VPS35L: variants seen among roughly 807,000 people sequenced by gnomAD.
VPS35L encodes VPS35 endosomal protein sorting factor like.
In VPS35L, 83 loss-of-function variants were observed where a neutral mutation model predicts 133.0. That is an observed-to-expected ratio of 0.62 (90% CI 0.52 to 0.75). The LOEUF is 0.75. Among genes scored for constraint, VPS35L ranks in the 30% least tolerant of loss-of-function variants. The pLI, the probability that VPS35L is intolerant of heterozygous loss-of-function variation, is 0.00. For missense variants in VPS35L, 1,083 were observed against 1,206.8 expected (o/e 0.90, Z 1.52); for synonymous variants, 423 against 449.9 (o/e 0.94, Z 0.76).
chr16:19,601,207 G>C (rs1049010033), intron 8 of VPS35L, among the ~76,000 whole-genome samples: 1 of 152,186 alleles, frequency 6.6e-6, no homozygotes, highest in East Asian at 1.9e-4. Context: ...AGGATTACAG[G>C]TGTGAGCCAC....
Position 19,627,807 on chromosome 16 carries a change from T to G in VPS35L, c.1383+2T>G. ...TGTGATGAATCTGGTTTCCCCAAGG[T>G]AGGCTCTTGACTTCATGCTCAGTAG... On this transcript the variant is annotated splice_donor_variant, in intron 16 of 30. Coordinates refer to ENST00000417362, the MANE Select transcript of VPS35L (RefSeq NM_020314.7). LOFTEE classifies it high-confidence loss of function. 1 of 1,595,944 alleles carries G rather than the reference T, an allele frequency of 6.3e-7. No homozygotes were observed. Among genetic ancestry groups the G allele is most frequent in the Non-Finnish European group, 8.6e-7 (1 of 1,163,474 alleles).
chr16:19,602,915 T>TC (rs1360680370), intron 9 of VPS35L, among the ~76,000 whole-genome samples: 2 of 151,912 alleles, frequency 1.3e-5, no homozygotes, highest in African/African-American at 4.8e-5. Context: ...TTTTTTTTTT[T>TC]TCTATTTAAT....
chr16:19,677,047 A>G (rs1399490522), intron 27 of VPS35L, among the ~76,000 whole-genome samples: 3 of 151,254 alleles, frequency 2.0e-5, no homozygotes, highest in Non-Finnish European at 2.9e-5. Context: ...CCTCATCTCA[A>G]AAGAAAAAGT....
intron 10 of VPS35L, 103 bp from the exon 11 acceptor site, chr16:19,608,871 A>T (rs965553134): frequency 2.1e-6 from 2 of 959,180 alleles, no homozygotes; most frequent in African/African-American, 1.6e-5. Context: ...TGTGGTCCCC[A>T]TCTCCTAAGA....
At chr16:19,601,528 A>T in intron 8 of VPS35L, 136 bp from the exon 9 acceptor site, 1 of 770,938 alleles carries the variant, frequency 1.3e-6, no homozygotes, top group Non-Finnish European at 2.0e-6. Flanking sequence ...AATCTGTCCC[A>T]CCAGGTGGCA....
chr16:19,568,050 C>A (rs1046347242), intron 2 of VPS35L, among the ~76,000 whole-genome samples: 1 of 151,994 alleles, frequency 6.6e-6, no homozygotes, highest in Non-Finnish European at 1.5e-5. Context: ...CTCCCTCCCT[C>A]ATGTTCAATA....
chr16:19,695,250 T>C lies in VPS35L; in HGVS notation c.2646+3779T>C, dbSNP rs1296737858. Among the ~76,000 whole-genome samples the C allele has an allele frequency of 2.0e-5, 3 of 152,306 alleles. No homozygotes were observed. In the East Asian group the frequency reaches 5.8e-4, roughly 29 times the overall value. ...ATTACGTGTCTTCATACCGAGGCAA[T>C]AGGCTGGGTTTAATCAGAGGTGGTC... is the stretch of plus-strand genomic sequence containing the variant. On this transcript the variant is annotated intron_variant, in intron 29 of 30. Transcript: ENST00000417362.
chr16:19,688,770 G>A (rs573524687), intron 28 of VPS35L, among the ~76,000 whole-genome samples: 24 of 152,360 alleles, frequency 1.6e-4, no homozygotes, highest in Admixed American at 7.8e-4. Context: ...GAAAGCAGCT[G>A]TAAGAGGATC....
chr16:19,612,602 A>C (rs1454193616), intron 12 of VPS35L, among the ~76,000 whole-genome samples: 1 of 152,218 alleles, frequency 6.6e-6, no homozygotes, highest in Non-Finnish European at 1.5e-5. Flanking sequence ...AGAACATAGC[A>C]AATGCTTTGA....
rs571723146 is a variant in VPS35L at position 19,557,425 on chromosome 16, G to C, written c.17+1679G>C. 3.9e-5 allele frequency among the ~76,000 whole-genome samples: 6 copies of C among 152,220 alleles called. No homozygotes were observed. In the East Asian group the frequency reaches 1.2e-3, roughly 30 times the overall value. On this transcript the variant is annotated intron_variant, in intron 1 of 30. Coordinates refer to ENST00000417362, the MANE Select transcript of VPS35L (RefSeq NM_020314.7). ...GTTGTTTTTGTTGAGACGGAGTCTC[G>C]CCCAGGCTTGATTGCAGTGGCGTGA...
intron 29 of VPS35L, among the ~76,000 whole-genome samples, chr16:19,695,131 G>A (rs1975860186): frequency 6.6e-6 from 1 of 152,208 alleles, no homozygotes; most frequent in Non-Finnish European, 1.5e-5. Flanking sequence ...TGAAACCATT[G>A]GTTCTGGCTC....
chr16:19,613,483 C>T (rs56139942), intron 12 of VPS35L, among the ~76,000 whole-genome samples: 7,682 of 152,256 alleles, frequency 0.05, 615 homozygotes, highest in African/African-American at 0.17. Context: ...CAAGAATCAG[C>T]CTCTCCCCAC....
chr16:19,658,927 T>C (rs2151594318), intron 26 of VPS35L, among the ~76,000 whole-genome samples: 1 of 146,772 alleles, frequency 6.8e-6, no homozygotes, highest in South Asian at 2.1e-4. Flanking sequence ...GGTTTATCTT[T>C]ATTTTGCAGC....
At chr16:19,677,729 G>A (rs1975113400) in intron 27 of VPS35L, among the ~76,000 whole-genome samples, 1 of 152,186 alleles carries the variant, frequency 6.6e-6, no homozygotes, top group Admixed American at 6.5e-5. Flanking sequence ...TTCCCGTCAA[G>A]TGGTGATCTG....
chr16:19,613,788 A>T (rs1441722713), intron 12 of VPS35L, among the ~76,000 whole-genome samples: 2 of 152,080 alleles, frequency 1.3e-5, no homozygotes, highest in Non-Finnish European at 2.9e-5. Flanking sequence ...GGTGAGGTGG[A>T]TCTAGCTCCA....
chr16:19,555,826 A>G, intron 1 of VPS35L, 80 bp downstream of exon 1: 1 of 1,496,328 alleles, frequency 6.7e-7, no homozygotes. Flanking sequence ...TGAGAGTGTG[A>G]ATTCCTCTCT....
rs544987719 is a variant in VPS35L, at chr16:19,691,795, C to T, written c.2646+324C>T. 2.0e-5 allele frequency among the ~76,000 whole-genome samples: 3 copies of T among 146,546 alleles called. No individual in the cohort carries two copies. In the South Asian group the frequency reaches 6.4e-4, roughly 31 times the overall value. ...CCCGATTGTCCCTGTAGCGCCTGTT[C>T]AGTCACCGTCTGAAATGTTCTGTCT... is the stretch of plus-strand genomic sequence containing the variant. On this transcript the variant is annotated intron_variant, in intron 29 of 30. Coordinates refer to ENST00000417362, the MANE Select transcript of VPS35L (RefSeq NM_020314.7).
Position 19,699,388 on chromosome 16 carries a change from GCTGGCA to G in VPS35L, c.2647-109_2647-104del. The G allele has an allele frequency of 3.8e-6, 5 of 1,317,034 alleles. No homozygotes were observed. Among genetic ancestry groups the G allele is most frequent in the Non-Finnish European group, 5.2e-6 (5 of 958,258 alleles). 81.6% of individuals were successfully genotyped at this position (1,317,034 alleles called of 1,614,324 possible). Reference sequence around the variant, plus strand: ...TGCCCTACAGCAAATACATGGCAGAGCTGGCACTGGAACTCAGGCATGACCTACCCC... The same window carrying G: ...TGCCCTACAGCAAATACATGGCAGAGCTGGAACTCAGGCATGACCTACCCC... On this transcript the variant is annotated intron_variant, in intron 29 of 30. Coordinates refer to ENST00000417362, the MANE Select transcript of VPS35L (RefSeq NM_020314.7). This position sits in a 1 kb window ranked among gnomAD's most constrained non-coding sequence, Gnocchi z 4.2.
chr16:19,663,675 T>C (rs1974565942), intron 26 of VPS35L, among the ~76,000 whole-genome samples: 1 of 144,628 alleles, frequency 6.9e-6, no homozygotes, highest in South Asian at 2.2e-4. Context: ...ATTTCTTTTT[T>C]TTTTTTTTTT....
Sources: gnomAD v4.1 joint callset for allele counts (sites outside exome capture counted in the v4.1 genomes callset) on GRCh38, gnomAD v4.1.1 for gene constraint, Gnocchi (gnomAD v3.1) non-coding constraint, MANE v1.5 for transcripts, NCBI Gene and HGNC (gene_info 2026-07-23, HGNC 2026-07-21) for gene names.